The following RUNX1T1 variants were observed in gnomAD, a reference collection of about 807,000 sequenced individuals.
The protein encoded by RUNX1T1 is RUNX1 partner transcriptional co-repressor 1.
In RUNX1T1, 4 loss-of-function variants were observed where a neutral mutation model predicts 62.8. The observed-to-expected ratio is 0.06, with a 90% CI of 0.03 to 0.15. The LOEUF (loss-of-function observed/expected upper bound fraction) is 0.15, where lower values mean the gene tolerates loss of function less well. RUNX1T1 is among the 10% of genes least tolerant of loss of function. The probability of loss-of-function intolerance (pLI) is 1.00; values close to 1 mark genes in which losing one functional copy is unlikely to be tolerated. For missense variants in RUNX1T1, 508 were observed against 754.3 expected (o/e 0.67, Z 3.82); for synonymous variants, 291 against 286.0 (o/e 1.02, Z -0.18).
chr8:91,976,985 T>C (rs574116136), intron 8 of RUNX1T1, among the ~76,000 whole-genome samples: 3 of 152,334 alleles, frequency 2.0e-5, no homozygotes, highest in East Asian at 3.9e-4. Context: ...TATTTTTAAA[T>C]GCTTTATCTA....
In RUNX1T1 at chr8:92,008,731, A is replaced by G. The variant is rs148292526; in HGVS notation, c.477+2271T>C. ...CAGTACAAGAGTTGATTTTTAAGAT[A>G]CATTAAATAGTACTTCTGGAGAGAA... On this transcript the variant is annotated intron_variant, in intron 4 of 10. Coordinates refer to ENST00000396218, the Ensembl canonical transcript of RUNX1T1. Among the ~76,000 whole-genome samples the G allele has an allele frequency of 2.9e-3, 441 of 152,332 alleles. 4 individuals are homozygous for G. Among genetic ancestry groups the G allele is most frequent in the South Asian group, 0.015 (72 of 4,828 alleles).
intron 5 of RUNX1T1, among the ~76,000 whole-genome samples, chr8:91,992,921 T>A (rs1244263913): frequency 6.6e-6 from 1 of 152,242 alleles, no homozygotes; most frequent in African/African-American, 2.4e-5. Context: ...TCTGGCTGTA[T>A]ATATTTCTAC....
At chr8:92,076,233 G>A (rs1416454592) in intron 1 of RUNX1T1, 96 bp from the exon 2 acceptor site, 2 of 910,298 alleles carry the variant, frequency 2.2e-6, no homozygotes, top group Admixed American at 4.2e-5. Context: ...GGCCAGTTTT[G>A]TTATGTTTTG....
chr8:91,962,599 G>C (rs902582623), intron 10 of RUNX1T1, among the ~76,000 whole-genome samples: 1 of 152,222 alleles, frequency 6.6e-6, no homozygotes, highest in Non-Finnish European at 1.5e-5. Flanking sequence ...CCACAAAGAC[G>C]TGAGCAAACG....
chr8:92,097,419 T>G (rs1053825434), intron 1 of RUNX1T1, among the ~76,000 whole-genome samples: 1 of 152,178 alleles, frequency 6.6e-6, no homozygotes, highest in Admixed American at 6.5e-5. Flanking sequence ...TCTCTAGCTA[T>G]TCTAGAAAAA....
upstream of RUNX1T1, chr8:92,103,046 CGACTA>C: frequency 1.7e-6 from 1 of 602,924 alleles, no homozygotes; most frequent in Non-Finnish European, 2.5e-6. Flanking sequence ...CGCCGCGGAG[CGACTA>C]CGGCCGCCCG....
intron 1 of RUNX1T1, chr8:92,095,349 T>C: frequency 6.5e-7 from 1 of 1,534,692 alleles, no homozygotes; most frequent in Middle Eastern, 1.7e-4. Flanking sequence ...GAGATTACCT[T>C]CTGGCAAAGG....
intron 1 of RUNX1T1, among the ~76,000 whole-genome samples, chr8:92,084,598 A>G (rs1835804105): frequency 6.6e-6 from 1 of 152,170 alleles, no homozygotes; most frequent in African/African-American, 2.4e-5. Context: ...CCAGACTCCC[A>G]CTTTTGAAGG....
chr8:92,019,346 A>G (rs1180170209), intron 1 of RUNX1T1, among the ~76,000 whole-genome samples: 1 of 152,138 alleles, frequency 6.6e-6, no homozygotes, highest in Non-Finnish European at 1.5e-5. Context: ...CTCACACGGA[A>G]CTGTTAGAGA....
chr8:92,084,435 T>C (rs967694850), intron 1 of RUNX1T1, among the ~76,000 whole-genome samples: 4 of 151,556 alleles, frequency 2.6e-5, no homozygotes, highest in African/African-American at 7.3e-5. Context: ...TGGAAAGAGG[T>C]TGAGAAAAAA....
At chr8:91,965,045 A>G (rs1811284102) in intron 10 of RUNX1T1, among the ~76,000 whole-genome samples, 1 of 152,176 alleles carries the variant, frequency 6.6e-6, no homozygotes, top group African/African-American at 2.4e-5. Flanking sequence ...AATGGCAGGT[A>G]CTACCACCAC....
At chr8:91,994,668 T>C (rs2130913600) in intron 5 of RUNX1T1, 1 of 493,898 alleles carries the variant, frequency 2.0e-6, no homozygotes, top group African/African-American at 1.9e-5. Context: ...TTTCAAACTG[T>C]GCCACCTGAG....
chr8:91,964,042 C>G (rs1333358916), intron 10 of RUNX1T1, among the ~76,000 whole-genome samples: 2 of 152,096 alleles, frequency 1.3e-5, no homozygotes, highest in African/African-American at 4.8e-5. Flanking sequence ...AGTCAATTGA[C>G]CAAAGTTAGG....
chr8:92,084,680 G>A (rs1373959985), intron 1 of RUNX1T1, among the ~76,000 whole-genome samples: 7 of 152,124 alleles, frequency 4.6e-5, no homozygotes, highest in Middle Eastern at 6.3e-3. Flanking sequence ...TTCTATCTTT[G>A]GGGAGGAAGG....
chr8:91,979,484 G>A (rs551917964), intron 8 of RUNX1T1, among the ~76,000 whole-genome samples: 3 of 152,152 alleles, frequency 2.0e-5, no homozygotes, highest in East Asian at 1.9e-4. Context: ...ACAGAAGAAC[G>A]TCTATGATAT....
chr8:92,072,061 T>C (rs1833768250), intron 2 of RUNX1T1, among the ~76,000 whole-genome samples: 1 of 152,208 alleles, frequency 6.6e-6, no homozygotes, highest in Admixed American at 6.5e-5. Context: ...TCATAAAAAT[T>C]CATATACAGC....
rs75788376 is a variant in RUNX1T1 at position 92,091,213 on chromosome 8, G to C, written c.-86+8367C>G. Reference sequence around the variant, plus strand: ...TAAAGGCCCTATTCATCCAAATAGTGATTTGCTTTAGAGGCCTTGATCGAT... The same window carrying C: ...TAAAGGCCCTATTCATCCAAATAGTCATTTGCTTTAGAGGCCTTGATCGAT... On this transcript the variant is annotated intron_variant, in intron 1 of 11. Coordinates refer to the RUNX1T1 transcript ENST00000265814. Among the ~76,000 whole-genome samples, 651 of 152,290 alleles carry C rather than the reference G, an allele frequency of 4.3e-3. 3 individuals carry two copies. The highest frequency in any genetic ancestry group is 0.015 in the African/African-American group (618 of 41,562).
intron 1 of RUNX1T1, among the ~76,000 whole-genome samples, chr8:92,080,925 A>G (rs1229963120): frequency 6.6e-6 from 1 of 152,260 alleles, no homozygotes; most frequent in African/African-American, 2.4e-5. Context: ...ATGACCAGTG[A>G]GTTAACAAAC....
intron 4 of RUNX1T1, chr8:92,010,299 C>A (rs1415932709): frequency 6.6e-6 from 1 of 152,220 alleles, no homozygotes; most frequent in African/African-American, 2.4e-5. Context: ...TATGCCCAAG[C>A]AATATGCTTA....
Sources: gnomAD v4.1 joint callset for allele counts (sites outside exome capture counted in the v4.1 genomes callset) on GRCh38, gnomAD v4.1.1 for gene constraint, MANE v1.5 for transcripts, NCBI Gene and HGNC (gene_info 2026-07-23, HGNC 2026-07-21) for gene names.